The following ST18 variants were observed in gnomAD, a reference collection of about 807,000 sequenced individuals.
The protein encoded by ST18 is ST18 C2H2C-type zinc finger transcription factor.
A neutral mutation model predicts 110.0 loss-of-function variants in ST18; 50 were observed. The ratio of observed to expected loss-of-function variants is 0.45; its 90% CI spans 0.36 to 0.58. ST18 has a LOEUF of 0.58. Among genes scored for constraint, ST18 ranks in the 20% least tolerant of loss-of-function variants. ST18 has a pLI of 0.00. For synonymous variants in ST18, 461 were observed against 452.4 expected, an observed-to-expected ratio of 1.02 and a Z score of -0.24; for missense variants, 1,306 against 1,280.1, an observed-to-expected ratio of 1.02 and a Z score of -0.31.
intron 8 of ST18, among the ~76,000 whole-genome samples, chr8:52,188,098 A>C (rs2073080000): frequency 6.6e-6 from 1 of 152,236 alleles, no homozygotes; most frequent in South Asian, 2.1e-4. Flanking sequence ...TATAGCATGG[A>C]ATAAAATTGA....
intron 10 of ST18, among the ~76,000 whole-genome samples, chr8:52,168,299 A>G (rs1216030512): frequency 2.7e-5 from 4 of 150,038 alleles, no homozygotes; most frequent in Non-Finnish European, 4.4e-5. Flanking sequence ...GCCCGAGAAG[A>G]TGCTGACGTT....
chr8:52,392,636 T>C (rs928240950), intron 2 of ST18, among the ~76,000 whole-genome samples: 5 of 152,218 alleles, frequency 3.3e-5, no homozygotes, highest in African/African-American at 9.6e-5. Flanking sequence ...CACAGATTTA[T>C]TGAAACAGTT....
chr8:52,229,872 C>T (rs2090793091), intron 3 of ST18, 160 bp downstream of exon 3: 1 of 152,234 alleles, frequency 6.6e-6, no homozygotes, highest in Admixed American at 6.5e-5. Context: ...ATGAACATAA[C>T]CCAAATTACC....
chr8:52,354,970 C>T (rs1419995579), intron 2 of ST18, among the ~76,000 whole-genome samples: 1 of 152,186 alleles, frequency 6.6e-6, no homozygotes, highest in Non-Finnish European at 1.5e-5. Context: ...TTGAGAATTA[C>T]ACCTTCATAA....
chr8:52,220,383 T>C (rs2086179658), intron 5 of ST18, among the ~76,000 whole-genome samples: 1 of 152,202 alleles, frequency 6.6e-6, no homozygotes, highest in Non-Finnish European at 1.5e-5. Context: ...AAATCTTGCT[T>C]ATTTACTCTT....
At chr8:52,118,275 A>G in intron 24 of ST18, 63 bp downstream of exon 24, 1 of 1,119,620 alleles carries the variant, frequency 8.9e-7, no homozygotes, top group Non-Finnish European at 1.3e-6. Flanking sequence ...TAAAATTTCA[A>G]TGTTTTGTTT....
Position 52,265,823 on chromosome 8 carries a change from A to C in ST18, c.-464-35746T>G, listed in dbSNP as rs191075991. ...GTCTCATTTGGAATTTGGGTGTCAT[A>C]GCCATGTAGCTAGTATTTCAAGATA... On this transcript the variant is annotated intron_variant, in intron 2 of 25. Transcript: ENST00000689386. 5.7e-3 allele frequency among the ~76,000 whole-genome samples: 864 copies of C among 152,332 alleles called. 3 individuals are homozygous for C. Among genetic ancestry groups the C allele is most frequent in the Non-Finnish European group, 8.4e-3 (569 of 68,030 alleles).
At chr8:52,365,432 T>C (rs1041041610) in intron 2 of ST18, among the ~76,000 whole-genome samples, 1 of 150,390 alleles carries the variant, frequency 6.6e-6, no homozygotes, top group African/African-American at 2.4e-5. Context: ...AAATGAGGAG[T>C]TGAGTTAAGA....
At chr8:52,228,267 G>T (rs1002212565) in intron 3 of ST18, among the ~76,000 whole-genome samples, 1 of 152,090 alleles carries the variant, frequency 6.6e-6, no homozygotes, top group Non-Finnish European at 1.5e-5. Flanking sequence ...GGGTCCTTTT[G>T]CAGGAATAAA....
chr8:52,337,244 T>C (rs1425667309), intron 2 of ST18, among the ~76,000 whole-genome samples: 1 of 152,172 alleles, frequency 6.6e-6, no homozygotes, highest in African/African-American at 2.4e-5. Context: ...AACAGAAAGA[T>C]GGGGCTGAGA....
chr8:52,277,534 C>A (rs1263399309), intron 2 of ST18, among the ~76,000 whole-genome samples: 1 of 152,130 alleles, frequency 6.6e-6, no homozygotes, highest in Non-Finnish European at 1.5e-5. Flanking sequence ...TATTAAATAT[C>A]ATTTTATCTA....
chr8:52,141,389 C>A (rs907242541), intron 17 of ST18, among the ~76,000 whole-genome samples: 3 of 152,078 alleles, frequency 2.0e-5, no homozygotes, highest in African/African-American at 4.8e-5. Flanking sequence ...ATGGTGTGGA[C>A]AAGGTACAGA....
At chr8:52,335,014 G>A (rs959196194) in intron 2 of ST18, among the ~76,000 whole-genome samples, 1 of 152,152 alleles carries the variant, frequency 6.6e-6, no homozygotes, top group African/African-American at 2.4e-5. Context: ...ATGTGAAAGA[G>A]TATCTTGAAA....
chr8:52,179,559 A>C (rs961434977), intron 9 of ST18, among the ~76,000 whole-genome samples: 1 of 152,164 alleles, frequency 6.6e-6, no homozygotes, highest in Non-Finnish European at 1.5e-5. Flanking sequence ...ATTTATTCAA[A>C]AATATTAAAA....
chr8:52,237,353 T>C (rs1026947544), intron 2 of ST18, among the ~76,000 whole-genome samples: 2 of 152,222 alleles, frequency 1.3e-5, no homozygotes, highest in African/African-American at 4.8e-5. Flanking sequence ...ATATTCTTTT[T>C]TATTATTCTA....
intron 15 of ST18, chr8:52,154,789 G>C (rs1226030485): frequency 6.6e-6 from 1 of 151,434 alleles, no homozygotes; most frequent in Non-Finnish European, 1.5e-5. Context: ...TGAGGCAGGA[G>C]AATCTCACAT....
intron 6 of ST18, among the ~76,000 whole-genome samples, chr8:52,214,465 G>C (rs916573548): frequency 7.2e-5 from 11 of 152,134 alleles, no homozygotes; most frequent in Admixed American, 7.2e-4. Context: ...AAACCAGAGA[G>C]AACAGCGACA....
chr8:52,149,589 A>C, intron 16 of ST18, 143 bp downstream of exon 16: 2 of 1,207,516 alleles, frequency 1.7e-6, no homozygotes, highest in Non-Finnish European at 2.2e-6. Flanking sequence ...ATTAAAAATC[A>C]CCACTTTATC....
chr8:52,193,439 C>T (rs2075218227), intron 8 of ST18, among the ~76,000 whole-genome samples: 1 of 152,218 alleles, frequency 6.6e-6, no homozygotes, highest in South Asian at 2.1e-4. Flanking sequence ...TCACACTTGC[C>T]TCAAGGCAGG....
Sources: allele counts gnomAD v4.1 joint callset (sites outside exome capture counted in the v4.1 genomes callset), GRCh38; gene constraint gnomAD v4.1.1; transcripts MANE v1.5; gene names NCBI Gene and HGNC (gene_info 2026-07-23, HGNC 2026-07-21).